KCNIP1: variants seen among roughly 807,000 people sequenced by gnomAD.
KCNIP1 encodes A-type potassium channel modulatory protein KCNIP1.
KCNIP1 carries 18 observed loss-of-function variants against 33.0 expected under a neutral mutation model. That is an observed-to-expected ratio of 0.55 (90% CI 0.38 to 0.81). KCNIP1 has a LOEUF of 0.81. Among genes scored for constraint, KCNIP1 ranks in the 30% least tolerant of loss-of-function variants. The pLI is 0.00. For synonymous variants in KCNIP1, 93 were observed against 98.3 expected (o/e 0.95, Z 0.32); for missense variants, 238 against 271.6 (o/e 0.88, Z 0.87).
chr5:170,505,459 G>A (rs565469053), intron 1 of KCNIP1, among the ~76,000 whole-genome samples: 2 of 152,274 alleles, frequency 1.3e-5, no homozygotes, highest in South Asian at 2.1e-4. Context: ...GTTAGGAAAC[G>A]GGAAATGATG....
chr5:170,403,816 G>A (rs535225181), intron 1 of KCNIP1, among the ~76,000 whole-genome samples: 84 of 152,308 alleles, frequency 5.5e-4, no homozygotes, highest in Non-Finnish European at 9.4e-4. Flanking sequence ...CTCCTACTAC[G>A]CCGGCTTTGG....
chr5:170,370,463 C>T (rs1283279405), intron 1 of KCNIP1, among the ~76,000 whole-genome samples: 1 of 152,190 alleles, frequency 6.6e-6, no homozygotes, highest in Non-Finnish European at 1.5e-5. Flanking sequence ...TCCCTGCAGG[C>T]TCCCTCTCAA....
Position 170,674,139 on chromosome 5 carries a change from GGAAGGAAGGAAGGAAGGAA to G in KCNIP1, c.62-44617_62-44599del, listed in dbSNP as rs1561756470. Among the ~76,000 whole-genome samples, 409 of 76,782 alleles carry G rather than the reference GGAAGGAAGGAAGGAAGGAA, an allele frequency of 5.3e-3. 13 individuals are homozygous for G. The highest frequency in any genetic ancestry group is 0.024 in the Middle Eastern group (4 of 170). The allele number at this position is 76,782 out of a possible 152,430, so 50.4% of individuals were successfully genotyped here. ...CAAGAGGAAAGCAATGAGGAAGGAAGGAAGGAAGGAAGGAAGGAAGGAAGGAAGGAAGGAAGGAAGGAAG... is the reference window on the plus strand; with the variant it reads ...CAAGAGGAAAGCAATGAGGAAGGAAGGGAAGGAAGGAAGGAAGGAAGGAAG... On this transcript the variant is annotated intron_variant, in intron 1 of 7. Coordinates refer to ENST00000328939, the MANE Select transcript of KCNIP1 (RefSeq NM_014592.4).
intron 1 of KCNIP1, among the ~76,000 whole-genome samples, chr5:170,491,616 G>A (rs564236963): frequency 1.2e-4 from 19 of 152,258 alleles, no homozygotes; most frequent in South Asian, 4.1e-4. Context: ...GTGATATTAC[G>A]TCATCTTAAG....
chr5:170,525,029 G>A (rs1755516762), intron 1 of KCNIP1, among the ~76,000 whole-genome samples: 1 of 152,206 alleles, frequency 6.6e-6, no homozygotes, highest in South Asian at 2.1e-4. Flanking sequence ...CGTTAGGAGG[G>A]GACTTCTGCA....
At chr5:170,413,199 G>A (rs1755242597) in intron 1 of KCNIP1, among the ~76,000 whole-genome samples, 1 of 152,190 alleles carries the variant, frequency 6.6e-6, no homozygotes, top group African/African-American at 2.4e-5. Flanking sequence ...CTTGGTTCCT[G>A]TGCCGACCTG....
At chr5:170,367,407 A>G (rs1169498936) in intron 1 of KCNIP1, among the ~76,000 whole-genome samples, 1 of 121,340 alleles carries the variant, frequency 8.2e-6, no homozygotes, top group South Asian at 2.4e-4. Context: ...GAAAGAAAGA[A>G]AGAAAGAAAG....
intron 1 of KCNIP1, among the ~76,000 whole-genome samples, chr5:170,520,935 C>G (rs1755341545): frequency 6.6e-6 from 1 of 152,208 alleles, no homozygotes; most frequent in African/African-American, 2.4e-5. Context: ...AGCCTCAGAT[C>G]CTTCGTCTGC....
At chr5:170,519,658 T>C (rs563768489) in intron 1 of KCNIP1, among the ~76,000 whole-genome samples, 11 of 152,258 alleles carry the variant, frequency 7.2e-5, no homozygotes, top group African/African-American at 2.6e-4. Context: ...GGTTTTTGGA[T>C]TAGAGCTGCC....
chr5:170,469,086 C>A (rs10516076), intron 1 of KCNIP1, among the ~76,000 whole-genome samples: 1 of 152,090 alleles, frequency 6.6e-6, no homozygotes, highest in African/African-American at 2.4e-5. Context: ...ACATTCTGTA[C>A]TGCTTTTGTG....
chr5:170,654,320 A>C lies in KCNIP1; in HGVS notation c.62-64438A>C, dbSNP rs186662474. 2.5e-3 allele frequency among the ~76,000 whole-genome samples: 387 copies of C among 152,238 alleles called. 1 individual carries two copies. The highest frequency in any genetic ancestry group is 8.6e-3 in the African/African-American group (358 of 41,552). On this transcript the variant is annotated intron_variant, in intron 1 of 7. Coordinates refer to ENST00000328939, the MANE Select transcript of KCNIP1 (RefSeq NM_014592.4). Reference sequence around the variant, plus strand: ...GCACTGTGCTTCAGGGCCATGGGGGATGCTCCAAGCGGTAAAATGCAACCA... The same window carrying C: ...GCACTGTGCTTCAGGGCCATGGGGGCTGCTCCAAGCGGTAAAATGCAACCA...
chr5:170,574,186 T>C (rs1251958556), intron 1 of KCNIP1, among the ~76,000 whole-genome samples: 1 of 152,230 alleles, frequency 6.6e-6, no homozygotes, highest in Non-Finnish European at 1.5e-5. Flanking sequence ...TTCTTTGATA[T>C]TGCAACTTTA....
At chr5:170,590,469 T>A (rs1468228428) in intron 1 of KCNIP1, among the ~76,000 whole-genome samples, 1 of 152,062 alleles carries the variant, frequency 6.6e-6, no homozygotes, top group African/African-American at 2.4e-5. Flanking sequence ...CTGACACGTT[T>A]CTATCCAACC....
intron 5 of KCNIP1, among the ~76,000 whole-genome samples, chr5:170,726,108 C>T (rs1763996144): frequency 6.6e-6 from 1 of 152,080 alleles, no homozygotes; most frequent in South Asian, 2.1e-4. Flanking sequence ...ATAAATTTGA[C>T]TTTATCAAAG....
At chr5:170,396,186 AG>A (rs1321926185) in intron 1 of KCNIP1, among the ~76,000 whole-genome samples, 1 of 152,248 alleles carries the variant, frequency 6.6e-6, no homozygotes, top group Middle Eastern at 3.2e-3. Context: ...AGGAAACCAC[AG>A]GGAACAGTGA....
chr5:170,653,796 C>G (rs1208842913), intron 1 of KCNIP1, among the ~76,000 whole-genome samples: 4 of 151,980 alleles, frequency 2.6e-5, no homozygotes, highest in Admixed American at 2.0e-4. Flanking sequence ...TAACAGAAGC[C>G]TGGCCTCCCA....
chr5:170,367,858 C>G (rs1377137024), intron 1 of KCNIP1, among the ~76,000 whole-genome samples: 7 of 152,216 alleles, frequency 4.6e-5, no homozygotes, highest in African/African-American at 1.7e-4. Context: ...AGCCCTACTT[C>G]TAGAAATCTA....
intron 1 of KCNIP1, among the ~76,000 whole-genome samples, chr5:170,514,167 C>G (rs982162500): frequency 2.0e-4 from 31 of 152,304 alleles, no homozygotes; most frequent in Admixed American, 1.8e-3. Context: ...CTGAAAATGA[C>G]AGCCTCCTCT....
intron 1 of KCNIP1, among the ~76,000 whole-genome samples, chr5:170,579,682 T>C (rs1757723653): frequency 6.6e-6 from 1 of 152,214 alleles, no homozygotes; most frequent in African/African-American, 2.4e-5. Flanking sequence ...TTGCAAGAAA[T>C]TCTTCAGACT....
Sources: allele counts gnomAD v4.1 joint callset (sites outside exome capture counted in the v4.1 genomes callset), GRCh38; gene constraint gnomAD v4.1.1; transcripts MANE v1.5; gene names NCBI Gene and HGNC (gene_info 2026-07-23, HGNC 2026-07-21).